The following NOVA2 variants were observed in gnomAD, a reference collection of about 807,000 sequenced individuals.
NOVA2 encodes the protein NOVA alternative splicing regulator 2.
Under a neutral mutation model 22.5 loss-of-function variants are expected in NOVA2, and 9 were observed. The ratio of observed to expected loss-of-function variants is 0.40; its 90% CI spans 0.24 to 0.70. The LOEUF is 0.70. Among genes scored for constraint, NOVA2 ranks in the 30% least tolerant of loss-of-function variants. NOVA2 has a pLI of 0.38. For missense variants in NOVA2, 383 were observed against 682.8 expected (o/e 0.56, Z 4.89); for synonymous variants, 318 against 335.2 (o/e 0.95, Z 0.56).
At chr19:45,973,213 GA>G in intron 1 of NOVA2, 53 bp downstream of exon 1, 1 of 1,047,664 alleles carries the variant, frequency 9.5e-7, no homozygotes, top group South Asian at 1.8e-5. Flanking sequence ...AAAGGATGGA[GA>G]AAGGCGAGGC....
rs1439469544 is a variant in NOVA2 at position 45,970,816 on chromosome 19, C to T, written c.85+2451G>A. 2.6e-5 allele frequency among the ~76,000 whole-genome samples: 4 copies of T among 152,106 alleles called. 1 individual carries two copies. Among genetic ancestry groups the T allele is most frequent in the Non-Finnish European group, 5.9e-5 (4 of 68,024 alleles). ...CAATTTTGGGATCAAAGTCCTGGAC[C>T]CTTGCCCAGCCCTGCCCCTGAGTGT... On this transcript the variant is annotated intron_variant, in intron 1 of 3. Coordinates refer to ENST00000263257, the MANE Select transcript of NOVA2 (RefSeq NM_002516.4).
chr19:45,952,594 G>C (rs1967942085), intron 3 of NOVA2, among the ~76,000 whole-genome samples: 1 of 152,218 alleles, frequency 6.6e-6, no homozygotes, highest in Non-Finnish European at 1.5e-5. Context: ...ACAAACTCCT[G>C]ATGAACCCTG....
intron 1 of NOVA2, among the ~76,000 whole-genome samples, chr19:45,970,087 G>A (rs1968214628): frequency 6.6e-6 from 1 of 152,144 alleles, no homozygotes; most frequent in African/African-American, 2.4e-5. Flanking sequence ...TGGTTCTGCT[G>A]CTTATCAGCT....
chr19:45,939,284 C>T lies in NOVA2; in HGVS notation c.*579G>A, dbSNP rs1416593393. On this transcript the variant is annotated 3_prime_UTR_variant, in exon 4 of 4. Coordinates refer to ENST00000263257, the MANE Select transcript of NOVA2 (RefSeq NM_002516.4). ...TGAGAAGATCTGGGAACTCTGGGGT[C>T]CTTGCTCCAAATGCCCCATTTCAGC... The T allele has an allele frequency of 6.6e-6, 1 of 152,090 alleles. No homozygotes were observed. The highest frequency in any genetic ancestry group is 1.9e-4 in the East Asian group (1 of 5,172). 9.4% of individuals were successfully genotyped at this position (152,090 alleles called of 1,614,324 possible). A position where few individuals can be genotyped will look rare whatever the true frequency, so the allele number is the denominator to read the frequency against.
In NOVA2 at chr19:45,936,766, TGAG is replaced by T. The variant is rs1967659115; in HGVS notation, c.*3094_*3096del. ...AAGGTATGGGAAGCTAGAGGGCAAATGAGAAGGAATAGGGAGATAATCCAATGC... is the reference window on the plus strand; with the variant it reads ...AAGGTATGGGAAGCTAGAGGGCAAATAAGGAATAGGGAGATAATCCAATGC... On this transcript the variant is annotated 3_prime_UTR_variant, in exon 4 of 4. Coordinates refer to ENST00000263257, the MANE Select transcript of NOVA2 (RefSeq NM_002516.4). 6.6e-6 allele frequency: 1 copy of T among 151,204 alleles called. No individual in the cohort carries two copies. The highest frequency in any genetic ancestry group is 2.4e-5 in the African/African-American group (1 of 41,012). 9.4% of individuals were successfully genotyped at this position (151,204 alleles called of 1,614,324 possible). A position where few individuals can be genotyped will look rare whatever the true frequency, so the allele number is the denominator to read the frequency against.
At chr19:45,962,720 C>T (rs2146424008) in intron 1 of NOVA2, 1 of 152,116 alleles carries the variant, frequency 6.6e-6, no homozygotes, top group East Asian at 1.9e-4. Context: ...AGTCTCGGTT[C>T]ACTGCAACCT....
At chr19:45,973,060 C>T (rs1317612299) in intron 1 of NOVA2, among the ~76,000 whole-genome samples, 14 of 143,508 alleles carry the variant, frequency 9.8e-5, no homozygotes, top group Middle Eastern at 6.9e-3. Flanking sequence ...CCCCTCTCCT[C>T]GCAGACAAAG....
Position 45,961,044 on chromosome 19 carries a change from G to A in NOVA2, c.195C>T (p.Thr65=). ...AGTCTTTGGACTTGGAGAGCTTGAT[G>A]GTGGCTCCGGTCTCCTTCTGCAGCT... The part of the protein sequence containing the change: ...IVQLQKETGA[T]IKLSKSKDFY... The change falls in exon 2 of 4, where the codon ACC becomes ACT. Residue 65 remains threonine (T), a synonymous_variant. Transcript: ENST00000263257. 6.3e-7 allele frequency: 1 copy of A among 1,577,376 alleles called. No homozygotes were observed. Among genetic ancestry groups the A allele is most frequent in the Non-Finnish European group, 8.6e-7 (1 of 1,161,178 alleles).
chr19:45,964,555 T>C (rs1968143840), intron 1 of NOVA2, among the ~76,000 whole-genome samples: 1 of 33,024 alleles, frequency 3.0e-5, no homozygotes, highest in African/African-American at 1.0e-4. Context: ...GCTCTAACAC[T>C]CTCTGATCTC....
rs774553466 is a variant in NOVA2, at chr19:45,940,582, C to T, written c.760G>A (p.Gly254Ser). Reference protein sequence around the residue: ...ASAAAASGLLGPAGLAGVGAF... With the variant: ...ASAAAASGLLSPAGLAGVGAF... ...CCCACGCCAGCCAGCCCGGCGGGGC[C>T]CAGCAGGCCGGAGGCGGCGGCGGCC... The change falls in exon 4 of 4, where the codon GGC (glycine) becomes AGC (serine). Residue 254 changes from glycine to serine, a missense_variant. Physicochemically the swap from Gly to Ser is moderately conservative, Grantham distance 56. Coordinates refer to ENST00000263257, the MANE Select transcript of NOVA2 (RefSeq NM_002516.4). 1.4e-6 allele frequency: 2 copies of T among 1,443,952 alleles called. No homozygotes were observed. Among genetic ancestry groups the T allele is most frequent in the East Asian group, 3.0e-5 (1 of 33,104 alleles). The allele number at this position is 1,443,952 out of a possible 1,614,324, so 89.4% of individuals were successfully genotyped here. A position where few individuals can be genotyped will look rare whatever the true frequency, so the allele number is the denominator to read the frequency against.
At chr19:45,950,809 C>T (rs1456219913) in intron 3 of NOVA2, among the ~76,000 whole-genome samples, 1 of 152,144 alleles carries the variant, frequency 6.6e-6, no homozygotes, top group Non-Finnish European at 1.5e-5. Context: ...GCATCAACAG[C>T]TAACAGTTTA....
In NOVA2 at chr19:45,940,691, C is replaced by A; in HGVS notation, c.651G>T (p.Val217=). 1 of 1,603,134 alleles carries A rather than the reference C, an allele frequency of 6.2e-7. No individual in the cohort carries two copies. The highest frequency in any genetic ancestry group is 2.3e-5 in the East Asian group (1 of 44,330). Residue 217 remains valine (V), a synonymous_variant, in exon 4 of 4, where the codon GTG becomes GTT. Transcript: ENST00000263257. ...SSCLNISYAN[V]AGPVANSNPT... ...GGTTGGAGTTGGCCACGGGGCCTGC[C>A]ACGTTGGCGTAGCTGATGTTGAGGC...
intron 1 of NOVA2, among the ~76,000 whole-genome samples, chr19:45,972,199 G>C (rs928392048): frequency 6.6e-6 from 1 of 151,670 alleles, no homozygotes; most frequent in Admixed American, 6.6e-5. Context: ...ACCCTCGTGC[G>C]TTTCACCCAC....
chr19:45,966,873 G>A lies in NOVA2; in HGVS notation c.86-5720C>T, dbSNP rs537820189. 1.7e-3 allele frequency among the ~76,000 whole-genome samples: 262 copies of A among 152,154 alleles called. 1 individual carries two copies. Among genetic ancestry groups the A allele is most frequent in the Middle Eastern group, 0.014 (4 of 294 alleles). ...GCCTGGGCAACAAGAGCGAAACTCC[G>A]TCTCAAATAAAAAAAAATTAAGAAG... On this transcript the variant is annotated intron_variant, in intron 1 of 3. Coordinates refer to ENST00000263257, the MANE Select transcript of NOVA2 (RefSeq NM_002516.4).
At chr19:45,960,112 G>T (rs1234387861) in intron 2 of NOVA2, among the ~76,000 whole-genome samples, 1 of 151,544 alleles carries the variant, frequency 6.6e-6, no homozygotes, top group African/African-American at 2.4e-5. Context: ...TGGAGCAGGG[G>T]GAGAGGCAGA....
At chr19:45,944,763 G>C (rs553454188) in intron 3 of NOVA2, among the ~76,000 whole-genome samples, 1 of 152,340 alleles carries the variant, frequency 6.6e-6, no homozygotes, top group Non-Finnish European at 1.5e-5. Context: ...AGGTAGATTA[G>C]TGGTTGCCAG....
At chr19:45,946,239 T>C (rs1383294746) in intron 3 of NOVA2, among the ~76,000 whole-genome samples, 3 of 151,854 alleles carry the variant, frequency 2.0e-5, no homozygotes, top group Non-Finnish European at 4.4e-5. Context: ...GAGGTGGAGG[T>C]TGAAGTGAGC....
chr19:45,957,039 G>T (rs764336793), intron 2 of NOVA2, among the ~76,000 whole-genome samples: 1 of 152,226 alleles, frequency 6.6e-6, no homozygotes, highest in Non-Finnish European at 1.5e-5. Flanking sequence ...ATATTAAAAA[G>T]AATATGAATG....
At chr19:45,942,409 A>G (rs1320261460) in intron 3 of NOVA2, among the ~76,000 whole-genome samples, 2 of 151,956 alleles carry the variant, frequency 1.3e-5, no homozygotes, top group South Asian at 2.1e-4. Flanking sequence ...GAAGAAACCA[A>G]CCCTGCTGAC....
Sources: allele counts gnomAD v4.1 joint callset (sites outside exome capture counted in the v4.1 genomes callset), GRCh38; gene constraint gnomAD v4.1.1; transcripts MANE v1.5; gene names NCBI Gene and HGNC (gene_info 2026-07-23, HGNC 2026-07-21).